The following FRMPD4 variants were observed in gnomAD, a reference collection of about 807,000 sequenced individuals.
FRMPD4 encodes the protein FERM and PDZ domain containing 4.
A neutral mutation model predicts 94.1 loss-of-function variants in FRMPD4; 22 were observed. That is an observed-to-expected ratio of 0.23 (90% CI 0.17 to 0.33). The LOEUF (loss-of-function observed/expected upper bound fraction) is 0.33, where lower values mean the gene tolerates loss of function less well. Among genes scored for constraint, FRMPD4 ranks in the 10% least tolerant of loss-of-function variants. FRMPD4 has a pLI of 1.00. For synonymous variants in FRMPD4, 631 were observed against 548.6 expected, an observed-to-expected ratio of 1.15 and a Z score of -2.10; for missense variants, 1,111 against 1,339.9, an observed-to-expected ratio of 0.83 and a Z score of 2.67.
intron 2 of FRMPD4, among the ~76,000 whole-genome samples, chrX:12,533,695 A>G (rs1297850501): frequency 2.7e-5 from 3 of 112,141 alleles, no homozygotes; most frequent in Non-Finnish European, 5.6e-5. Context: ...CCCCTGCCCT[A>G]GAGATTTGTG....
chrX:12,519,393 C>T (rs1056963225), intron 2 of FRMPD4, among the ~76,000 whole-genome samples: 4 of 112,249 alleles, frequency 3.6e-5, no homozygotes, highest in East Asian at 2.8e-4. Flanking sequence ...AATATACCTT[C>T]ACATACATGA....
chrX:12,042,044 T>A (rs1440503376), intron 3 of FRMPD4, among the ~76,000 whole-genome samples: 1 of 111,624 alleles, frequency 9.0e-6, no homozygotes, highest in Non-Finnish European at 1.9e-5. Context: ...TTCTTTAGTA[T>A]CTATTTCTTC....
chrX:12,021,587 A>G (rs1420843177), intron 3 of FRMPD4, among the ~76,000 whole-genome samples: 1 of 111,597 alleles, frequency 9.0e-6, no homozygotes. Flanking sequence ...TATTAGGAAA[A>G]GCCTCCCCTG....
intron 1 of FRMPD4, among the ~76,000 whole-genome samples, chrX:12,154,898 G>C (rs1196215872): frequency 8.9e-6 from 1 of 112,587 alleles, no homozygotes; most frequent in East Asian, 2.8e-4. Flanking sequence ...CACAGCTTCA[G>C]GCATCATGTC....
intron 1 of FRMPD4, among the ~76,000 whole-genome samples, chrX:11,846,848 A>T (rs1236075895): frequency 9.0e-6 from 1 of 110,948 alleles, no homozygotes; most frequent in Admixed American, 9.6e-5. Flanking sequence ...CTAAAACTGG[A>T]TCCCTTCCTT....
At chrX:12,174,809 C>A (rs892763499) in intron 1 of FRMPD4, among the ~76,000 whole-genome samples, 2 of 112,261 alleles carry the variant, frequency 1.8e-5, no homozygotes, top group African/African-American at 6.5e-5. Flanking sequence ...CTTAAACAAG[C>A]TATTCTGTTT....
intron 3 of FRMPD4, among the ~76,000 whole-genome samples, chrX:12,112,251 G>A (rs1489986616): frequency 9.0e-6 from 1 of 110,982 alleles, no homozygotes; most frequent in African/African-American, 3.3e-5. Context: ...AAAATGATGA[G>A]TTCATGTCCT....
chrX:12,532,864 C>T (rs1043672217), intron 2 of FRMPD4, among the ~76,000 whole-genome samples: 1 of 112,024 alleles, frequency 8.9e-6, no homozygotes, highest in Non-Finnish European at 1.9e-5. Context: ...AATAATTACC[C>T]AGTCCAAAAT....
At chrX:12,157,514 G>A (rs949709914) in intron 1 of FRMPD4, among the ~76,000 whole-genome samples, 4 of 111,219 alleles carry the variant, frequency 3.6e-5, no homozygotes, top group African/African-American at 1.3e-4. Context: ...GTTCCTCTAT[G>A]GTGACAAGCC....
intron 2 of FRMPD4, among the ~76,000 whole-genome samples, chrX:12,576,785 A>G (rs1487613449): frequency 8.9e-6 from 1 of 112,264 alleles, no homozygotes; most frequent in Non-Finnish European, 1.9e-5. Flanking sequence ...CATTGTTTAT[A>G]AACAAAAAAG....
chrX:12,686,296 C>A (rs1486717124), intron 7 of FRMPD4, 92 bp downstream of exon 7: 2 of 467,753 alleles, frequency 4.3e-6, no homozygotes, highest in African/African-American at 4.9e-5. Context: ...TCTTTCAGAA[C>A]TATCCCTTTA....
At chrX:12,666,956 C>T (rs745320498) in intron 4 of FRMPD4, among the ~76,000 whole-genome samples, 13 of 112,248 alleles carry the variant, frequency 1.2e-4, no homozygotes, top group African/African-American at 2.9e-4. Flanking sequence ...CTTTGAAGAA[C>T]GCTGAAGTAC....
At chrX:12,440,224 ATC>A (rs1459574941) in intron 1 of FRMPD4, among the ~76,000 whole-genome samples, 4 of 112,279 alleles carry the variant, frequency 3.6e-5, no homozygotes, top group African/African-American at 1.3e-4. Flanking sequence ...CTACTAAATA[ATC>A]TGTTTTGCAT....
At chrX:12,101,321 C>T (rs960476032) in intron 3 of FRMPD4, among the ~76,000 whole-genome samples, 2 of 111,325 alleles carry the variant, frequency 1.8e-5, no homozygotes, top group African/African-American at 3.3e-5. Context: ...AGAGAGGAAG[C>T]CTTATCCTGG....
intron 1 of FRMPD4, among the ~76,000 whole-genome samples, chrX:12,476,769 G>A (rs143999823): frequency 1.8e-5 from 2 of 110,644 alleles, no homozygotes; most frequent in Non-Finnish European, 3.8e-5. Flanking sequence ...AATGAGATAC[G>A]ATCTCACACC....
chrX:12,172,233 T>C (rs1382415911), intron 1 of FRMPD4, among the ~76,000 whole-genome samples: 4 of 109,311 alleles, frequency 3.7e-5, no homozygotes, highest in African/African-American at 1.3e-4. Context: ...GAAGCCATGA[T>C]TTTTAGTTTC....
intron 1 of FRMPD4, among the ~76,000 whole-genome samples, chrX:12,287,377 GAGACAATGGTGATCAT>G (rs1183662037): frequency 1.8e-5 from 2 of 111,426 alleles, no homozygotes; most frequent in Non-Finnish European, 3.8e-5. Context: ...CCAAGAATTG[GAGACAATGGTGATCAT>G]AGAGCAATTG....
chrX:11,881,217 A>C (rs968403336), intron 3 of FRMPD4, among the ~76,000 whole-genome samples: 3 of 111,631 alleles, frequency 2.7e-5, no homozygotes, highest in Non-Finnish European at 1.9e-5. Flanking sequence ...GCAAAATAGT[A>C]CAGTCACTTT....
At chrX:11,929,579 C>T (rs778868333) in intron 3 of FRMPD4, among the ~76,000 whole-genome samples, 8 of 112,479 alleles carry the variant, frequency 7.1e-5, no homozygotes, top group African/African-American at 2.6e-4. Flanking sequence ...CTGTGTGCAT[C>T]TGTTCATAAA....
Sources: allele counts gnomAD v4.1 joint callset (sites outside exome capture counted in the v4.1 genomes callset), GRCh38; gene constraint gnomAD v4.1.1; transcripts MANE v1.5; gene names NCBI Gene and HGNC (gene_info 2026-07-23, HGNC 2026-07-21).